Variants in TMCO4 observed in about 807,000 individuals in gnomAD.
The protein encoded by TMCO4 is transmembrane and coiled-coil domains 4.
In TMCO4, 58 loss-of-function variants were observed where a neutral mutation model predicts 64.7. The observed-to-expected ratio is 0.90, with a 90% CI of 0.73 to 1.12. The LOEUF (loss-of-function observed/expected upper bound fraction) is 1.12, where lower values mean the gene tolerates loss of function less well. Ranked by LOEUF, TMCO4 falls within the 50% of genes most tolerant of loss-of-function variation. The probability of loss-of-function intolerance (pLI) is 0.00; values close to 1 mark genes in which losing one functional copy is unlikely to be tolerated. For missense variants in TMCO4, 780 were observed against 825.9 expected, an observed-to-expected ratio of 0.94 and a Z score of 0.68; for synonymous variants, 325 against 346.1, an observed-to-expected ratio of 0.94 and a Z score of 0.68.
chr1:19,685,535 C>T (rs1336077427), intron 15 of TMCO4, among the ~76,000 whole-genome samples: 1 of 152,074 alleles, frequency 6.6e-6, no homozygotes, highest in Non-Finnish European at 1.5e-5. Context: ...TGGACAATGC[C>T]TGACACGTAG....
intron 13 of TMCO4, 70 bp from the exon 14 acceptor site, chr1:19,700,955 G>T: frequency 8.2e-7 from 1 of 1,213,592 alleles, no homozygotes; most frequent in Non-Finnish European, 1.2e-6. Context: ...GACTCCAACA[G>T]CAGTGGAGGA....
chr1:19,756,158 G>A (rs1459220532), intron 6 of TMCO4, among the ~76,000 whole-genome samples: 19 of 152,150 alleles, frequency 1.2e-4, no homozygotes, highest in Non-Finnish European at 4.4e-5. Context: ...GGCTGATGTA[G>A]GAGGATCATG....
At chr1:19,788,184 T>C (rs1477244787) in intron 2 of TMCO4, among the ~76,000 whole-genome samples, 1 of 152,224 alleles carries the variant, frequency 6.6e-6, no homozygotes, top group Non-Finnish European at 1.5e-5. Flanking sequence ...AGCATGAGAA[T>C]GTACCTGTAC....
At chr1:19,756,442 T>G (rs923925181) in intron 6 of TMCO4, among the ~76,000 whole-genome samples, 1 of 151,988 alleles carries the variant, frequency 6.6e-6, no homozygotes, top group Non-Finnish European at 1.5e-5. Flanking sequence ...AATAATCCCC[T>G]TTGCCCCAGG....
At chr1:19,781,882 G>A (rs184985117) in intron 3 of TMCO4, among the ~76,000 whole-genome samples, 321 of 152,268 alleles carry the variant, frequency 2.1e-3, no homozygotes, top group African/African-American at 7.2e-3. Context: ...TCCTGACCTC[G>A]TGATCCGCCC....
rs2101090909 is a variant in TMCO4 at position 19,784,618 on chromosome 1, A to G, written c.-9+2408T>C. Among the ~76,000 whole-genome samples, 3 of 152,274 alleles carry G rather than the reference A, an allele frequency of 2.0e-5. No homozygotes were observed. In the South Asian group the frequency reaches 6.2e-4, roughly 32 times the overall value. ...AATTTCTCCTGATGCCCTACAATGC[A>G]TTCTCTACATAGTGGCCTCAGTGAC... On this transcript the variant is annotated intron_variant, in intron 3 of 15. Coordinates refer to ENST00000294543, the MANE Select transcript of TMCO4 (RefSeq NM_181719.7).
intron 12 of TMCO4, among the ~76,000 whole-genome samples, chr1:19,737,945 G>A (rs575273245): frequency 6.6e-6 from 1 of 152,360 alleles, no homozygotes; most frequent in South Asian, 2.1e-4. Context: ...TAGGAAGGTG[G>A]GGCACAAAAT....
At chr1:19,770,356 A>G (rs1380825442) in intron 6 of TMCO4, among the ~76,000 whole-genome samples, 186 bp downstream of exon 6, 1 of 152,208 alleles carries the variant, frequency 6.6e-6, no homozygotes, top group African/African-American at 2.4e-5. Flanking sequence ...AACTCTGAGA[A>G]GCACCACACA....
At chr1:19,739,706 C>A in intron 12 of TMCO4, 118 bp downstream of exon 12, 1 of 1,467,610 alleles carries the variant, frequency 6.8e-7, no homozygotes, top group Non-Finnish European at 9.1e-7. Flanking sequence ...GCCCACACCC[C>A]CAAAACCATT....
At chr1:19,714,787 G>A (rs192162576) in intron 13 of TMCO4, among the ~76,000 whole-genome samples, 19 of 152,230 alleles carry the variant, frequency 1.2e-4, no homozygotes, top group African/African-American at 4.6e-4. Flanking sequence ...GCTGGGCGTG[G>A]TGGTGGGCAC....
At chr1:19,756,418 A>G (rs2042258930) in intron 6 of TMCO4, among the ~76,000 whole-genome samples, 1 of 152,194 alleles carries the variant, frequency 6.6e-6, no homozygotes, top group African/African-American at 2.4e-5. Context: ...ATAAGTATCA[A>G]CAACTTAAAA....
chr1:19,682,735 C>A lies in TMCO4; in HGVS notation c.*305G>T, dbSNP rs1161323730. ...CAAAGCTATGAGAAGTACAGAAAGC[C>A]CACAGTTGGTTTCCGGTCCTGGGAC... On this transcript the variant is annotated 3_prime_UTR_variant, in exon 16 of 16. Coordinates refer to ENST00000294543, the MANE Select transcript of TMCO4 (RefSeq NM_181719.7). 2.8e-6 allele frequency: 2 copies of A among 718,066 alleles called. No individual in the cohort carries two copies. Among genetic ancestry groups the A allele is most frequent in the Non-Finnish European group, 5.2e-6 (2 of 385,516 alleles). The allele number at this position is 718,066 out of a possible 1,614,324, so 44.5% of individuals were successfully genotyped here.
chr1:19,694,152 C>A (rs1047476195), intron 15 of TMCO4, among the ~76,000 whole-genome samples: 1 of 152,184 alleles, frequency 6.6e-6, no homozygotes, highest in African/African-American at 2.4e-5. Context: ...CAGGCACGCA[C>A]AACCATGCCC....
At chr1:19,780,545 G>T (rs2101068822) in intron 4 of TMCO4, 35 bp downstream of exon 4, 1 of 1,555,678 alleles carries the variant, frequency 6.4e-7, no homozygotes, top group Middle Eastern at 1.7e-4. Flanking sequence ...CCCTGAAGAA[G>T]CATGACCTTC....
At chr1:19,725,513 T>C (rs1043795286) in intron 13 of TMCO4, among the ~76,000 whole-genome samples, 1 of 152,180 alleles carries the variant, frequency 6.6e-6, no homozygotes, top group African/African-American at 2.4e-5. Context: ...TGCCCCCTTG[T>C]GATCAGGGCC....
chr1:19,745,832 G>A (rs1050458754), intron 9 of TMCO4, among the ~76,000 whole-genome samples, 181 bp from the exon 10 acceptor site: 35 of 152,180 alleles, frequency 2.3e-4, no homozygotes, highest in African/African-American at 8.0e-4. Context: ...GATTACAGAC[G>A]AAAGCAAGAA....
Position 19,682,576 on chromosome 1 carries a change from C to A in TMCO4, c.*464G>T. The A allele has an allele frequency of 1.4e-6, 1 of 715,380 alleles. No individual in the cohort carries two copies. Among genetic ancestry groups the A allele is most frequent in the South Asian group, 1.5e-5 (1 of 67,516 alleles). The allele number at this position is 715,380 out of a possible 1,614,324, so 44.3% of individuals were successfully genotyped here. ...GTTGCTGCCAGTTGATGGTGCCTGTCAGCTGGTGGGCAGCCCTGGAGTGTG... is the reference window on the plus strand; with the variant it reads ...GTTGCTGCCAGTTGATGGTGCCTGTAAGCTGGTGGGCAGCCCTGGAGTGTG... On this transcript the variant is annotated 3_prime_UTR_variant, in exon 16 of 16. Transcript: ENST00000294543.
At chr1:19,684,063 CTT>C (rs3048209) in intron 15 of TMCO4, among the ~76,000 whole-genome samples, 2,139 of 70,240 alleles carry the variant, frequency 0.03, 35 homozygotes, top group Non-Finnish European at 0.04. Flanking sequence ...TGCCCGGCAG[CTT>C]TTTTTTTTTT....
chr1:19,719,664 G>A (rs2095372580), intron 13 of TMCO4, among the ~76,000 whole-genome samples: 2 of 151,898 alleles, frequency 1.3e-5, no homozygotes, highest in African/African-American at 4.8e-5. Flanking sequence ...AAGCAGCTGG[G>A]GCTACAGATG....
Sources: gnomAD v4.1 joint callset for allele counts (sites outside exome capture counted in the v4.1 genomes callset) on GRCh38, gnomAD v4.1.1 for gene constraint, MANE v1.5 for transcripts, NCBI Gene and HGNC (gene_info 2026-07-23, HGNC 2026-07-21) for gene names.